PRX: variants seen among roughly 807,000 people sequenced by gnomAD.
PRX encodes periaxin.
In PRX, 24 loss-of-function variants were observed where a neutral mutation model predicts 29.6. The observed-to-expected ratio is 0.81, with a 90% CI of 0.59 to 1.14. The LOEUF (loss-of-function observed/expected upper bound fraction) is 1.14. Ranked by LOEUF, PRX falls within the 50% of genes most tolerant of loss-of-function variation. PRX has a pLI of 0.00. For synonymous variants in PRX, 772 were observed against 831.7 expected (o/e 0.93, Z 1.24); for missense variants, 1,838 against 1,926.4 (o/e 0.95, Z 0.86).
At position 40,394,740 on chromosome 19, in the gene PRX, CA is replaced by C. The variant is rs776887800; in HGVS notation, c.3611del (p.Leu1204ArgfsTer13). On this transcript the variant is annotated frameshift_variant, in exon 7 of 7. Transcript: ENST00000324001. LOFTEE classifies it high-confidence loss of function. This position sits in a 1 kb window ranked among gnomAD's most constrained non-coding sequence, Gnocchi z 5.8. Reference sequence around the variant, plus strand: ...TCTTAAAGACACCCTCACCCACCAGCAGCTCACCACCTGCAACCTGGGCTCC... The same window carrying C: ...TCTTAAAGACACCCTCACCCACCAGCGCTCACCACCTGCAACCTGGGCTCC... Reference protein sequence around the residue: ...LPGAQVAGGELLVGEGVFKMP... With the variant: ...LPGAQVAGGEXLVGEGVFKMP... 2 of 1,613,512 alleles carry C rather than the reference CA, an allele frequency of 1.2e-6. No homozygotes were observed. The highest frequency in any genetic ancestry group is 1.7e-5 in the Admixed American group (1 of 60,028).
rs1198139308 is a variant in PRX, at chr19:40,394,029, C to G, written c.4323G>C (p.Gly1441=). 2 of 1,613,476 alleles carry G rather than the reference C, an allele frequency of 1.2e-6. No individual in the cohort carries two copies. Among genetic ancestry groups the G allele is most frequent in the Non-Finnish European group, 1.7e-6 (2 of 1,179,602 alleles). ...GGLRVRLPSV[G]FSETGAPGPA... ...GGCCTGGAGCCCCTGTCTCTGAAAACCCCACGCTGGGCAGCCGCACCCGCA... is the reference window on the plus strand; with the variant it reads ...GGCCTGGAGCCCCTGTCTCTGAAAAGCCCACGCTGGGCAGCCGCACCCGCA... Residue 1441 remains glycine, a synonymous_variant, in exon 7 of 7, where the codon GGG becomes GGC. Transcript: ENST00000324001. The surrounding 1 kb of genome is among the most constrained non-coding windows in gnomAD (Gnocchi z 5.8).
Position 40,396,202 on chromosome 19 carries a change from A to C in PRX, c.2150T>G (p.Met717Arg). Residue 717 changes from methionine (M) to arginine (R), a missense_variant, in exon 7 of 7, where the codon ATG becomes AGG. This residue lies in a region of PRX where 1,143 missense variants were observed against 1,193.0 expected (regional missense o/e 0.96). Transcript: ENST00000324001. ...TGGGAGCTTCATGTCAGGGACTTTC[A>C]TTTCACAGACTTTGGGCAGCTGCAC... ...PEVQLPKVCE[M>R]KVPDMKLPEI... 2 of 1,610,368 alleles carry C rather than the reference A, an allele frequency of 1.2e-6. No homozygotes were observed. Among genetic ancestry groups the C allele is most frequent in the Non-Finnish European group, 1.7e-6 (2 of 1,179,096 alleles).
rs551669825 is a variant in PRX, at chr19:40,404,727, C to G, written c.28-865G>C. The stretch of plus-strand genomic sequence containing the variant: ...TTGGGAACATAGGCACGCGCCACCA[C>G]GCCCAGCTAATTTTTAATTTTTTTT... On this transcript the variant is annotated intron_variant, in intron 4 of 6. Coordinates refer to ENST00000324001, the MANE Select transcript of PRX (RefSeq NM_181882.3). Among the ~76,000 whole-genome samples the G allele has an allele frequency of 1.2e-4, 18 of 152,142 alleles. 1 individual carries two copies. In the East Asian group the frequency reaches 3.5e-3, roughly 29 times the overall value.
rs576717931 is a variant in PRX at position 40,393,918 on chromosome 19, G to T, written c.*48C>A. ...TAGTTATCACACACACAACAGCGAG[G>T]GGGTAGAGAAAGGAAGGCAAGAAGG... On this transcript the variant is annotated 3_prime_UTR_variant, in exon 7 of 7. Transcript: ENST00000324001. The T allele has an allele frequency of 1.2e-6, 2 of 1,602,312 alleles. No homozygotes were observed. The highest frequency in any genetic ancestry group is 1.3e-5 in the African/African-American group (1 of 74,994).
At position 40,398,293 on chromosome 19, in the gene PRX, G is replaced by A. The variant is rs1409097949; in HGVS notation, c.382-323C>T. On this transcript the variant is annotated intron_variant, in intron 6 of 6. Coordinates refer to ENST00000324001, the MANE Select transcript of PRX (RefSeq NM_181882.3). The surrounding 1 kb of genome is among the most constrained non-coding windows in gnomAD (Gnocchi z 6.3). ...CAGGGAGAGAAACAACTTTGTCCAG[G>A]GCCACTCAGCAGTAATTGGGCCAGC... 2 of 1,420,608 alleles carry A rather than the reference G, an allele frequency of 1.4e-6. No individual in the cohort carries two copies. The highest frequency in any genetic ancestry group is 1.6e-5 in the South Asian group (1 of 63,714). The allele number at this position is 1,420,608 out of a possible 1,614,324, so 88.0% of individuals were successfully genotyped here.
In PRX at chr19:40,393,799, GT is replaced by G; in HGVS notation, c.*166del. The G allele has an allele frequency of 3.1e-6, 3 of 977,646 alleles. No individual in the cohort carries two copies. The highest frequency in any genetic ancestry group is 4.6e-6 in the Non-Finnish European group (3 of 656,848). The allele number at this position is 977,646 out of a possible 1,614,324, so 60.6% of individuals were successfully genotyped here. On this transcript the variant is annotated 3_prime_UTR_variant, in exon 7 of 7. Coordinates refer to ENST00000324001, the MANE Select transcript of PRX (RefSeq NM_181882.3). ...CAGATTATTTTATTCACATGGCTTG[GT>G]GGGGTACAGGCACTCCTGCCAGAGA...
intron 4 of PRX, 36 bp downstream of exon 4, chr19:40,407,870 C>A: frequency 6.2e-7 from 1 of 1,612,194 alleles, no homozygotes; most frequent in Admixed American, 1.7e-5. Context: ...TCCCCATTGC[C>A]CTCAAGTGCG....
intron 5 of PRX, among the ~76,000 whole-genome samples, chr19:40,399,850 C>CCATTCTTTCTTT (rs1555801714): frequency 3.3e-5 from 4 of 119,624 alleles, no homozygotes; most frequent in Non-Finnish European, 3.6e-5. Context: ...AGCTTTCTTT[C>CCATTCTTTCTTT]CTTTCTTTCT....
chr19:40,409,143 C>T (rs1166403346), intron 1 of PRX, among the ~76,000 whole-genome samples: 1 of 152,118 alleles, frequency 6.6e-6, no homozygotes, highest in Non-Finnish European at 1.5e-5. Flanking sequence ...TGAGCCTCCA[C>T]ACCTGGCAAC....
At position 40,396,208 on chromosome 19, in the gene PRX, C is replaced by T. The variant is rs1460763870; in HGVS notation, c.2144G>A (p.Cys715Tyr). The T allele has an allele frequency of 1.9e-6, 3 of 1,604,054 alleles. No homozygotes were observed. Among genetic ancestry groups the T allele is most frequent in the Non-Finnish European group, 2.6e-6 (3 of 1,176,432 alleles). Residue 715 changes from cysteine to tyrosine, a missense_variant, in exon 7 of 7, where the codon TGT becomes TAT. By Grantham distance (194) the Cys-to-Tyr change is radical. Transcript: ENST00000324001. ...HLPEVQLPKV[C>Y]EMKVPDMKLP... ...CTTCATGTCAGGGACTTTCATTTCA[C>T]AGACTTTGGGCAGCTGCACCTCTGG... is the stretch of plus-strand genomic sequence containing the variant.
intron 5 of PRX, among the ~76,000 whole-genome samples, 157 bp downstream of exon 5, chr19:40,403,549 G>T (rs1360559269): frequency 6.6e-6 from 1 of 152,080 alleles, no homozygotes; most frequent in Non-Finnish European, 1.5e-5. Context: ...AATTTGCTGT[G>T]AACAGTCAGC....
At position 40,396,303 on chromosome 19, in the gene PRX, C is replaced by A. The variant is rs891995329; in HGVS notation, c.2049G>T (p.Val683=). Residue 683 remains valine (V), a synonymous_variant, in exon 7 of 7, where the codon GTG becomes GTT. Transcript: ENST00000324001. The part of the protein sequence containing the change: ...MAVPEVRLPE[V]QLPKVSEMKL... ...TCATCTCTGAGACTTTTGGCAGCTGCACCTCGGGGAGTCGAACCTCTGGCA... is the reference window on the plus strand; with the variant it reads ...TCATCTCTGAGACTTTTGGCAGCTGAACCTCGGGGAGTCGAACCTCTGGCA... 1 of 1,610,024 alleles carries A rather than the reference C, an allele frequency of 6.2e-7. No homozygotes were observed. The highest frequency in any genetic ancestry group is 1.7e-5 in the Admixed American group (1 of 59,554).
chr19:40,413,132 A>G (rs995001314), intron 1 of PRX, among the ~76,000 whole-genome samples: 2 of 152,192 alleles, frequency 1.3e-5, no homozygotes, highest in Non-Finnish European at 2.9e-5. Context: ...GGCACAAAGG[A>G]TGAAGTATCT....
chr19:40,410,397 A>G (rs1435752748), intron 1 of PRX, among the ~76,000 whole-genome samples: 1 of 152,000 alleles, frequency 6.6e-6, no homozygotes, highest in Non-Finnish European at 1.5e-5. Flanking sequence ...TTCATAGCCC[A>G]TCAGTGGCCA....
intron 5 of PRX, among the ~76,000 whole-genome samples, chr19:40,403,479 A>G (rs574900161): frequency 3.9e-5 from 6 of 152,314 alleles, no homozygotes; most frequent in Admixed American, 1.3e-4. Flanking sequence ...TGAGGCACAG[A>G]AAGATCACAA....
In PRX at chr19:40,397,216, T is replaced by G. The variant is rs752783967; in HGVS notation, c.1136A>C (p.Lys379Thr). The change falls in exon 7 of 7, where the codon AAG (lysine) becomes ACG (threonine). Residue 379 changes from lysine to threonine, a missense_variant. This residue lies in a region of PRX where 666 missense variants were observed against 665.0 expected (regional missense o/e 1.00). Coordinates refer to ENST00000324001, the MANE Select transcript of PRX (RefSeq NM_181882.3). ...TTTCACCCTGGCCTCAGGGCTGACC[T>G]TGGCTACCTTGGCCTCAGCAACTTC... ...AKEVAEAKVA[K>T]VSPEARVKGP... The G allele has an allele frequency of 6.2e-6, 10 of 1,613,796 alleles. No individual in the cohort carries two copies. Among genetic ancestry groups the G allele is most frequent in the Non-Finnish European group, 8.5e-6 (10 of 1,180,024 alleles).
At chr19:40,413,195 C>T (rs1024517886) in intron 1 of PRX, 143 bp downstream of exon 1, 1 of 152,634 alleles carries the variant, frequency 6.6e-6, no homozygotes, top group African/African-American at 2.4e-5. Context: ...GAACCACCAG[C>T]TCCAAAGTCT....
Position 40,395,619 on chromosome 19 carries a change from C to G in PRX, c.2733G>C (p.Val911=). 6.2e-7 allele frequency: 1 copy of G among 1,614,182 alleles called. No homozygotes were observed. Among genetic ancestry groups the G allele is most frequent in the Non-Finnish European group, 8.5e-7 (1 of 1,180,026 alleles). Residue 911 remains valine, a synonymous_variant, in exon 7 of 7, where the codon GTG becomes GTC. Coordinates refer to ENST00000324001, the MANE Select transcript of PRX (RefSeq NM_181882.3). ...VEIVTPQLPA[V]EIEEGRLEMI... ...TCTCCAGCCGCCCTTCCTCAATTTC[C>G]ACGGCGGGCAGCTGTGGGGTGACAA... is the stretch of plus-strand genomic sequence containing the variant.
chr19:40,406,377 C>G (rs1366981258), intron 4 of PRX, among the ~76,000 whole-genome samples: 1 of 151,968 alleles, frequency 6.6e-6, no homozygotes, highest in African/African-American at 2.4e-5. Flanking sequence ...CGAATGCAGT[C>G]TGCAGGATCT....
Sources: gnomAD v4.1 joint callset for allele counts (sites outside exome capture counted in the v4.1 genomes callset) on GRCh38, gnomAD v4.1.1 for gene constraint, gnomAD v4.1.1 regional missense constraint, Gnocchi (gnomAD v3.1) non-coding constraint, MANE v1.5 for transcripts, NCBI Gene and HGNC (gene_info 2026-07-23, HGNC 2026-07-21) for gene names.